Variants in ANGPT4 observed in about 807,000 individuals in gnomAD.
ANGPT4 encodes angiopoietin 4.
Under a neutral mutation model 53.0 loss-of-function variants are expected in ANGPT4, and 50 were observed. The ratio of observed to expected loss-of-function variants is 0.94; its 90% CI spans 0.75 to 1.20. The LOEUF (loss-of-function observed/expected upper bound fraction) is 1.20. Ranked by LOEUF, ANGPT4 falls within the 50% of genes most tolerant of loss-of-function variation. The pLI is 0.00. For synonymous variants in ANGPT4, 251 were observed against 259.7 expected (o/e 0.97, Z 0.32); for missense variants, 648 against 637.1 (o/e 1.02, Z -0.18).
chr20:887,198 C>G (rs1209448480), intron 3 of ANGPT4, among the ~76,000 whole-genome samples: 1 of 152,064 alleles, frequency 6.6e-6, no homozygotes, highest in Non-Finnish European at 1.5e-5. Context: ...TCTGGACTCC[C>G]AATTATGCTG....
Position 914,800 on chromosome 20 carries a change from C to T in ANGPT4, c.309+1106G>A, listed in dbSNP as rs1057193590. Among the ~76,000 whole-genome samples, 1 of 152,132 alleles carries T rather than the reference C, an allele frequency of 6.6e-6. No individual in the cohort carries two copies. The highest frequency in any genetic ancestry group is 2.4e-5 in the African/African-American group (1 of 41,404). ...ACCCTCATGCCCCGCCAGGGCCAAGCCTGCTTTGCACACCTCTGTAGTCAG... is the reference window on the plus strand; with the variant it reads ...ACCCTCATGCCCCGCCAGGGCCAAGTCTGCTTTGCACACCTCTGTAGTCAG... On this transcript the variant is annotated intron_variant, in intron 1 of 8. Transcript: ENST00000381922. The surrounding 1 kb of genome is among the most constrained non-coding windows in gnomAD (Gnocchi z 5.0).
At chr20:913,503 G>A (rs1982791346) in intron 1 of ANGPT4, among the ~76,000 whole-genome samples, 1 of 152,204 alleles carries the variant, frequency 6.6e-6, no homozygotes, top group Non-Finnish European at 1.5e-5. Context: ...ACTGACCCTA[G>A]CTCAGAATTT....
chr20:877,138 C>T (rs1242683760), intron 7 of ANGPT4, among the ~76,000 whole-genome samples: 1 of 152,202 alleles, frequency 6.6e-6, no homozygotes, highest in Non-Finnish European at 1.5e-5. Flanking sequence ...TGAGAAGTTC[C>T]CAGAAGTGGA....
chr20:887,175 A>G (rs999127994), intron 3 of ANGPT4, among the ~76,000 whole-genome samples: 6 of 152,216 alleles, frequency 3.9e-5, no homozygotes, highest in African/African-American at 1.4e-4. Context: ...CAGCTAGGGC[A>G]GAAGAAATTT....
chr20:888,511 C>T (rs1305788473), intron 2 of ANGPT4, 72 bp from the exon 3 acceptor site: 3 of 1,540,074 alleles, frequency 1.9e-6, no homozygotes, highest in Non-Finnish European at 2.6e-6. Flanking sequence ...CACCCACCTG[C>T]CCACAGGCCC....
chr20:900,307 C>T (rs757793990), intron 1 of ANGPT4, among the ~76,000 whole-genome samples: 1 of 152,168 alleles, frequency 6.6e-6, no homozygotes, highest in Non-Finnish European at 1.5e-5. Context: ...GAAAATTGAA[C>T]CTCCTCCTCT....
intron 1 of ANGPT4, among the ~76,000 whole-genome samples, chr20:907,436 T>C (rs1234779898): frequency 6.6e-6 from 1 of 152,164 alleles, no homozygotes; most frequent in African/African-American, 2.4e-5. Context: ...ATGCCTTTGG[T>C]GGTCGTCTAT....
intron 5 of ANGPT4, among the ~76,000 whole-genome samples, chr20:880,462 T>C (rs1468592096): frequency 6.6e-6 from 1 of 151,954 alleles, no homozygotes; most frequent in Non-Finnish European, 1.5e-5. Context: ...GTGGCATGTG[T>C]CTGTGGTCCC....
In ANGPT4 at chr20:908,712, C is replaced by T. The variant is rs980512068; in HGVS notation, c.309+7194G>A. 6.6e-6 allele frequency among the ~76,000 whole-genome samples: 1 copy of T among 151,376 alleles called. No homozygotes were observed. Among genetic ancestry groups the T allele is most frequent in the East Asian group, 1.9e-4 (1 of 5,140 alleles). ...GGTGGAAGGGACAATTAAATGAATG[C>T]AGGAATGAATATTCTTACCTGACAA... On this transcript the variant is annotated intron_variant, in intron 1 of 8. Transcript: ENST00000381922. This position sits in a 1 kb window ranked among gnomAD's most constrained non-coding sequence, Gnocchi z 4.9.
chr20:885,019 T>C, intron 4 of ANGPT4, 59 bp downstream of exon 4: 2 of 1,594,638 alleles, frequency 1.3e-6, no homozygotes, highest in Non-Finnish European at 1.7e-6. Flanking sequence ...GTGAGCAGGG[T>C]CTCCCCTCCC....
intron 1 of ANGPT4, among the ~76,000 whole-genome samples, chr20:900,885 CCTT>C (rs1982257663): frequency 6.6e-6 from 1 of 151,874 alleles, no homozygotes; most frequent in African/African-American, 2.4e-5. Context: ...CTGTTTTTCT[CCTT>C]CTCTTATTCG....
intron 1 of ANGPT4, among the ~76,000 whole-genome samples, chr20:907,680 C>T (rs1265132477): frequency 6.6e-6 from 1 of 152,190 alleles, no homozygotes; most frequent in Non-Finnish European, 1.5e-5. Context: ...AACAACTTGT[C>T]CAAGGACAGG....
chr20:913,980 G>A (rs754287329), intron 1 of ANGPT4, among the ~76,000 whole-genome samples: 6 of 152,192 alleles, frequency 3.9e-5, no homozygotes, highest in Non-Finnish European at 7.3e-5. Flanking sequence ...AGGTGTTGGG[G>A]GAGATCCAGG....
chr20:891,938 A>C (rs977197689), intron 1 of ANGPT4, among the ~76,000 whole-genome samples: 1 of 151,864 alleles, frequency 6.6e-6, no homozygotes, highest in Non-Finnish European at 1.5e-5. Flanking sequence ...TGAACCAGAA[A>C]CTCTTAATGG....
chr20:900,417 C>T (rs1982242998), intron 1 of ANGPT4, among the ~76,000 whole-genome samples: 1 of 152,194 alleles, frequency 6.6e-6, no homozygotes, highest in African/African-American at 2.4e-5. Context: ...TACTCCTTCT[C>T]ATCTTTTTAC....
intron 5 of ANGPT4, 71 bp downstream of exon 5, chr20:881,100 C>A (rs4816045): frequency 2.4e-6 from 3 of 1,231,516 alleles, no homozygotes; most frequent in Non-Finnish European, 3.4e-6. Flanking sequence ...CGATGGGGTG[C>A]GGGGTGTCTG....
rs1436519562 is a variant in ANGPT4, at chr20:870,533, A to G, written c.*2427T>C. The G allele has an allele frequency of 6.6e-6, 1 of 152,184 alleles. No individual in the cohort carries two copies. The highest frequency in any genetic ancestry group is 1.5e-5 in the Non-Finnish European group (1 of 68,060). The allele number at this position is 152,184 out of a possible 1,614,324, so 9.4% of individuals were successfully genotyped here. A position where few individuals can be genotyped will look rare whatever the true frequency, so the allele number is the denominator to read the frequency against. ...CAGAGTGAGACTCTGTCTCAAAAAA[A>G]TAAAATAAAATTACATAAAGAACAG... On this transcript the variant is annotated 3_prime_UTR_variant, in exon 9 of 9. Transcript: ENST00000381922.
Position 914,991 on chromosome 20 carries a change from C to T in ANGPT4, c.309+915G>A, listed in dbSNP as rs1982866550. 6.6e-6 allele frequency among the ~76,000 whole-genome samples: 1 copy of T among 152,174 alleles called. No individual in the cohort carries two copies. The highest frequency in any genetic ancestry group is 2.4e-5 in the African/African-American group (1 of 41,434). Reference sequence around the variant, plus strand: ...TCACCAGCAGAGCTGATGGGCTCTACCTCCAGAACCCACCAGAATCTTACT... The same window carrying T: ...TCACCAGCAGAGCTGATGGGCTCTATCTCCAGAACCCACCAGAATCTTACT... On this transcript the variant is annotated intron_variant, in intron 1 of 8. Coordinates refer to ENST00000381922, the MANE Select transcript of ANGPT4 (RefSeq NM_015985.4). The surrounding 1 kb of genome is among the most constrained non-coding windows in gnomAD (Gnocchi z 5.0).
chr20:878,034 T>A (rs1439886227), intron 7 of ANGPT4, 127 bp downstream of exon 7: 1 of 1,058,130 alleles, frequency 9.5e-7, no homozygotes. Context: ...GGGGGACAGA[T>A]GGTAGGAACA....
Sources: gnomAD v4.1 joint callset for allele counts (sites outside exome capture counted in the v4.1 genomes callset) on GRCh38, gnomAD v4.1.1 for gene constraint, Gnocchi (gnomAD v3.1) non-coding constraint, MANE v1.5 for transcripts, NCBI Gene and HGNC (gene_info 2026-07-23, HGNC 2026-07-21) for gene names.